The following CFAP46 variants were observed in gnomAD, a reference collection of about 807,000 sequenced individuals.
CFAP46 encodes the protein cilia- and flagella-associated protein 46.
Under a neutral mutation model 325.7 loss-of-function variants are expected in CFAP46, and 245 were observed. The ratio of observed to expected loss-of-function variants is 0.75; its 90% CI spans 0.68 to 0.84. The LOEUF (loss-of-function observed/expected upper bound fraction) is 0.84, where lower values mean the gene tolerates loss of function less well. Ranked by LOEUF, CFAP46 falls within the 40% of genes least tolerant of loss-of-function variation. The pLI, the probability that CFAP46 is intolerant of heterozygous loss-of-function variation, is 0.00. For synonymous variants in CFAP46, 1,523 were observed against 1,495.9 expected, an observed-to-expected ratio of 1.02 and a Z score of -0.42; for missense variants, 3,346 against 3,543.0, an observed-to-expected ratio of 0.94 and a Z score of 1.41.
rs1453729814 is a variant in CFAP46 at position 132,912,205 on chromosome 10, CTT to C, written c.2499+448_2499+449del. On this transcript the variant is annotated intron_variant, in intron 19 of 57. Coordinates refer to ENST00000368586, the MANE Select transcript of CFAP46 (RefSeq NM_001200049.3). Reference sequence around the variant, plus strand: ...CTCCTGTCCTCTTTCCTCTCTCTCTCTTCCCTCTCCTCTCTCTTCTCCTCTCT... The same window carrying C: ...CTCCTGTCCTCTTTCCTCTCTCTCTCCCCTCTCCTCTCTCTTCTCCTCTCT... Among the ~76,000 whole-genome samples, 977 of 131,902 alleles carry C rather than the reference CTT, an allele frequency of 7.4e-3. 21 individuals are homozygous for C. The highest frequency in any genetic ancestry group is 0.012 in the Non-Finnish European group (704 of 60,830). 86.5% of individuals were successfully genotyped at this position (131,902 alleles called of 152,430 possible). A position where few individuals can be genotyped will look rare whatever the true frequency, so the allele number is the denominator to read the frequency against.
chr10:132,884,682 C>T lies in CFAP46; in HGVS notation c.3627+421G>A, dbSNP rs546394149. On this transcript the variant is annotated intron_variant, in intron 27 of 57. Transcript: ENST00000368586. This position sits in a 1 kb window ranked among gnomAD's most constrained non-coding sequence, Gnocchi z 5.4. ...GGAAGAGACGCCAACATCCCCAGAA[C>T]GCCCACATCCCAGGGCCCTGCAGAG... 1.2e-4 allele frequency among the ~76,000 whole-genome samples: 19 copies of T among 152,236 alleles called. No individual in the cohort carries two copies. The highest frequency in any genetic ancestry group is 1.0e-3 in the South Asian group (5 of 4,816).
chr10:132,829,810 C>T (rs531815061), intron 50 of CFAP46, among the ~76,000 whole-genome samples: 6 of 152,288 alleles, frequency 3.9e-5, no homozygotes, highest in South Asian at 2.1e-4. Context: ...CTTATGAATG[C>T]GGTGAATTAC....
chr10:132,929,796 AAAAGC>A lies in CFAP46; in HGVS notation c.870_874del (p.Met290IlefsTer4), dbSNP rs1849865205. 1 of 1,607,850 alleles carries A rather than the reference AAAAGC, an allele frequency of 6.2e-7. No homozygotes were observed. The highest frequency in any genetic ancestry group is 1.3e-5 in the African/African-American group (1 of 74,798). On this transcript the variant is annotated frameshift_variant, in exon 9 of 58. Transcript: ENST00000368586. LOFTEE classifies it high-confidence loss of function. ...GGAAAAACGCGCCAATTCAAAAAGC[AAAAGC>A]ATTCTGCAAACAAACAAACCAGCCA...
At position 132,822,526 on chromosome 10, in the gene CFAP46, G is replaced by A. The variant is rs1366529693; in HGVS notation, c.7118-7612C>T. ...GTGCTGTGTGCTGATGTGTGCTGAC[G>A]TGTGCTGTGTGCTGACGTGTGCTGT... On this transcript the variant is annotated intron_variant, in intron 50 of 57. Coordinates refer to ENST00000368586, the MANE Select transcript of CFAP46 (RefSeq NM_001200049.3). 5.6e-5 allele frequency among the ~76,000 whole-genome samples: 7 copies of A among 125,204 alleles called. 1 individual carries two copies. The highest frequency in any genetic ancestry group is 2.7e-4 in the East Asian group (1 of 3,698). The allele number at this position is 125,204 out of a possible 152,430, so 82.1% of individuals were successfully genotyped here.
chr10:132,808,498 C>A lies in CFAP46; in HGVS notation c.8071G>T (p.Gly2691Cys). The change falls in exon 58 of 58, where the codon GGC (glycine) becomes TGC (cysteine). Residue 2691 changes from glycine (G) to cysteine (C), a missense_variant. Physicochemically the swap from Gly to Cys is radical, Grantham distance 159 (BLOSUM62 -3). Coordinates refer to ENST00000368586, the MANE Select transcript of CFAP46 (RefSeq NM_001200049.3). The surrounding 1 kb of genome is among the most constrained non-coding windows in gnomAD (Gnocchi z 6.8). ...CVSSRGQDKG[G>C]LPLAALVLSC... ...AGCACCAGCGCCGCCAAGGGGAGGCCGCCCTTGTCCTGGCCCCGGGAAGAG... is the reference window on the plus strand; with the variant it reads ...AGCACCAGCGCCGCCAAGGGGAGGCAGCCCTTGTCCTGGCCCCGGGAAGAG... The A allele has an allele frequency of 2.5e-6, 4 of 1,613,224 alleles. No individual in the cohort carries two copies. Among genetic ancestry groups the A allele is most frequent in the Non-Finnish European group, 3.4e-6 (4 of 1,180,016 alleles).
In CFAP46 at chr10:132,913,064, T is replaced by A; in HGVS notation, c.2315A>T (p.Lys772Met). ...CACGCACCCACTGTGGCCTGTGGCC[T>A]TAACGATGCTCAGGAGGTGGTACAG... is the stretch of plus-strand genomic sequence containing the variant. ...DALYHLLSIV[K>M]ATGHSGDPVM... Residue 772 changes from lysine (K) to methionine (M), a missense_variant, in exon 18 of 58, where the codon AAG (lysine) becomes ATG (methionine). Lys to Met is a moderately conservative substitution (Grantham distance 95). Coordinates refer to ENST00000368586, the MANE Select transcript of CFAP46 (RefSeq NM_001200049.3). 1 of 1,550,142 alleles carries A rather than the reference T, an allele frequency of 6.5e-7. No homozygotes were observed. The highest frequency in any genetic ancestry group is 2.4e-5 in the East Asian group (1 of 40,922).
chr10:132,916,689 AAC>A lies in CFAP46; in HGVS notation c.1987-9_1987-8del. 4 of 1,460,330 alleles carry A rather than the reference AAC, an allele frequency of 2.7e-6. No individual in the cohort carries two copies. Among genetic ancestry groups the A allele is most frequent in the African/African-American group, 2.9e-5 (2 of 69,326 alleles). The allele number at this position is 1,460,330 out of a possible 1,614,324, so 90.5% of individuals were successfully genotyped here. ...GCAGCAAATGAACCGTGGCCTGCAA[AAC>A]ACACATGCGGTGGGAGGGGTCATGG... On this transcript the variant is annotated splice_polypyrimidine_tract_variant and splice_region_variant and intron_variant, in intron 16 of 57. Transcript: ENST00000368586.
In CFAP46 at chr10:132,939,370, G is replaced by A. The variant is rs188151009; in HGVS notation, c.372-617C>T. ...AGCAGAGACCCCTCTCAGGGGTCTG[G>A]GCCTCTCCCTGGGCAGCAGGGAGCA... is the stretch of plus-strand genomic sequence containing the variant. On this transcript the variant is annotated intron_variant, in intron 4 of 57. Coordinates refer to ENST00000368586, the MANE Select transcript of CFAP46 (RefSeq NM_001200049.3). The surrounding 1 kb of genome is among the most constrained non-coding windows in gnomAD (Gnocchi z 4.6). Among the ~76,000 whole-genome samples, 5 of 152,274 alleles carry A rather than the reference G, an allele frequency of 3.3e-5. No individual in the cohort carries two copies. Among genetic ancestry groups the A allele is most frequent in the Admixed American group, 3.3e-4 (5 of 15,306 alleles).
rs147668819 is a variant in CFAP46, at chr10:132,847,430, C to T, written c.5953-109G>A. On this transcript the variant is annotated intron_variant, in intron 41 of 57. Transcript: ENST00000368586. This position sits in a 1 kb window ranked among gnomAD's most constrained non-coding sequence, Gnocchi z 5.2. The stretch of plus-strand genomic sequence containing the variant: ...TGGTCGGGCTCCTCAGCAGGGTCCC[C>T]GGGTAGGGGGTACCGCAGGCCACAG... The T allele has an allele frequency of 6.3e-5, 86 of 1,355,246 alleles. No homozygotes were observed. The African/African-American group carries it at 9.1e-4, about 14-fold the overall frequency. 84.0% of individuals were successfully genotyped at this position (1,355,246 alleles called of 1,614,324 possible).
At chr10:132,837,428 G>C (rs1014751227) in intron 44 of CFAP46, among the ~76,000 whole-genome samples, 30 of 140,390 alleles carry the variant, frequency 2.1e-4, no homozygotes, top group Non-Finnish European at 2.9e-4. Context: ...CACGGACACA[G>C]ACACCCACCC....
intron 44 of CFAP46, among the ~76,000 whole-genome samples, chr10:132,843,846 G>C (rs562473538): frequency 1.8e-5 from 2 of 110,246 alleles, no homozygotes; most frequent in African/African-American, 7.2e-5. Context: ...GTCTCGGTGG[G>C]TGTTCCCAGG....
At chr10:132,815,286 G>T (rs554335469) in intron 50 of CFAP46, among the ~76,000 whole-genome samples, 1 of 152,192 alleles carries the variant, frequency 6.6e-6, no homozygotes, top group African/African-American at 2.4e-5. Flanking sequence ...ACTTTCTTTT[G>T]CAGGCTCTGA....
chr10:132,865,283 C>G (rs1848796756), intron 35 of CFAP46, among the ~76,000 whole-genome samples: 1 of 152,178 alleles, frequency 6.6e-6, no homozygotes, highest in African/African-American at 2.4e-5. Flanking sequence ...CTGGCTTTTT[C>G]CTGGGGCTGC....
At chr10:132,854,323 GTGTTTTGTTTTGTTT>G (rs59344968) in intron 39 of CFAP46, among the ~76,000 whole-genome samples, 3 of 151,072 alleles carry the variant, frequency 2.0e-5, no homozygotes, top group Non-Finnish European at 2.9e-5. Context: ...ATAGCTTTCT[GTGTTTTGTTTTGTTT>G]TGTTTTGTTT....
chr10:132,814,640 G>A, intron 52 of CFAP46, 28 bp from the exon 53 acceptor site: 1 of 1,580,730 alleles, frequency 6.3e-7, no homozygotes, highest in South Asian at 1.1e-5. Context: ...AGAAACGGGA[G>A]CACAGGGCGG....
chr10:132,891,567 C>T (rs1257361258), intron 25 of CFAP46, among the ~76,000 whole-genome samples: 3 of 152,344 alleles, frequency 2.0e-5, no homozygotes, highest in Admixed American at 2.0e-4. Flanking sequence ...TGAAGGGGCC[C>T]GCACAGCTGT....
rs372264175 is a variant in CFAP46, at chr10:132,927,952, G to A, written c.967-1286C>T. Among the ~76,000 whole-genome samples the A allele has an allele frequency of 2.5e-4, 38 of 152,364 alleles. No homozygotes were observed. In the East Asian group the frequency reaches 6.2e-3, roughly 25 times the overall value. On this transcript the variant is annotated intron_variant, in intron 9 of 57. Transcript: ENST00000368586. ...GACCAGTGGTCAGGAGGTAACAGGAGGGCTGGGGCCTGAGGGATGGGCAGA... is the reference window on the plus strand; with the variant it reads ...GACCAGTGGTCAGGAGGTAACAGGAAGGCTGGGGCCTGAGGGATGGGCAGA...
At chr10:132,823,056 G>A (rs913315162) in intron 50 of CFAP46, among the ~76,000 whole-genome samples, 1 of 141,600 alleles carries the variant, frequency 7.1e-6, no homozygotes, top group Non-Finnish European at 1.5e-5. Flanking sequence ...GCTGTGTGCT[G>A]TGAGTGCTGA....
rs1367874956 is a variant in CFAP46, at chr10:132,876,187, G to A, written c.4362+625C>T. On this transcript the variant is annotated intron_variant, in intron 31 of 57. Coordinates refer to ENST00000368586, the MANE Select transcript of CFAP46 (RefSeq NM_001200049.3). The surrounding 1 kb of genome is among the most constrained non-coding windows in gnomAD (Gnocchi z 4.1). ...ACCCACCGGCTGCTGATATTGAGGGGAGTGGCATCAGCAGGGATCTGCGCA... is the reference window on the plus strand; with the variant it reads ...ACCCACCGGCTGCTGATATTGAGGGAAGTGGCATCAGCAGGGATCTGCGCA... 6.6e-6 allele frequency among the ~76,000 whole-genome samples: 1 copy of A among 152,238 alleles called. No homozygotes were observed. The highest frequency in any genetic ancestry group is 1.9e-4 in the East Asian group (1 of 5,194).
Sources: gnomAD v4.1 joint callset for allele counts (sites outside exome capture counted in the v4.1 genomes callset) on GRCh38, gnomAD v4.1.1 for gene constraint, Gnocchi (gnomAD v3.1) non-coding constraint, MANE v1.5 for transcripts, NCBI Gene and HGNC (gene_info 2026-07-23, HGNC 2026-07-21) for gene names.